EDIL3: variants seen among roughly 807,000 people sequenced by gnomAD.
EDIL3 encodes EGF-like repeat and discoidin I-like domain-containing protein 3.
Under a neutral mutation model 67.4 loss-of-function variants are expected in EDIL3, and 37 were observed. The ratio of observed to expected loss-of-function variants is 0.55; its 90% CI spans 0.42 to 0.72. The LOEUF is 0.72. EDIL3 is among the 30% of genes least tolerant of loss of function. The pLI is 0.00. For missense variants in EDIL3, 527 were observed against 586.3 expected (o/e 0.90, Z 1.04); for synonymous variants, 195 against 196.3 (o/e 0.99, Z 0.05).
chr5:84,294,006 G>A (rs1448754335), intron 1 of EDIL3, among the ~76,000 whole-genome samples: 1 of 151,840 alleles, frequency 6.6e-6, no homozygotes, highest in Non-Finnish European at 1.5e-5. Context: ...AAGTATGGCA[G>A]CATCCAAAAA....
intron 1 of EDIL3, among the ~76,000 whole-genome samples, chr5:84,313,763 C>A (rs926450157): frequency 1.3e-5 from 2 of 152,192 alleles, no homozygotes; most frequent in Admixed American, 1.3e-4. Flanking sequence ...GGACCCCAGG[C>A]ACCAGTATTT....
chr5:84,177,795 G>A (rs1291237836), intron 4 of EDIL3, among the ~76,000 whole-genome samples: 3 of 152,018 alleles, frequency 2.0e-5, no homozygotes, highest in Admixed American at 1.3e-4. Context: ...TAATAATGCC[G>A]ATGCTGGAAA....
At chr5:84,377,178 T>A (rs905872940) in intron 1 of EDIL3, among the ~76,000 whole-genome samples, 6 of 151,802 alleles carry the variant, frequency 4.0e-5, no homozygotes, top group African/African-American at 1.2e-4. Context: ...TACAGAAAAA[T>A]TAGCCGAGCC....
intron 1 of EDIL3, among the ~76,000 whole-genome samples, chr5:84,279,443 A>ACAATAGT (rs1745652289): frequency 6.6e-6 from 1 of 152,214 alleles, no homozygotes; most frequent in African/African-American, 2.4e-5. Context: ...TGGTTTGTAC[A>ACAATAGT]CAATAGTACT....
Position 84,376,552 on chromosome 5 carries a change from A to G in EDIL3, c.67+7756T>C, listed in dbSNP as rs535089732. Among the ~76,000 whole-genome samples, 8 of 152,354 alleles carry G rather than the reference A, an allele frequency of 5.3e-5. No individual in the cohort carries two copies. In the East Asian group the frequency reaches 1.5e-3, roughly 29 times the overall value. On this transcript the variant is annotated intron_variant, in intron 1 of 10. Transcript: ENST00000296591. ...ATATTATCAACAGTGCTCTTGCAGG[A>G]GTGTTGAGAAATATTTTCAAAGTAG... is the stretch of plus-strand genomic sequence containing the variant.
intron 3 of EDIL3, among the ~76,000 whole-genome samples, chr5:84,209,316 G>A (rs901941144): frequency 6.6e-6 from 1 of 151,870 alleles, no homozygotes; most frequent in African/African-American, 2.4e-5. Context: ...CATGGCACAT[G>A]TATACATATG....
intron 1 of EDIL3, among the ~76,000 whole-genome samples, chr5:84,383,696 G>T (rs947939614): frequency 6.6e-5 from 10 of 152,080 alleles, no homozygotes; most frequent in African/African-American, 2.4e-4. Flanking sequence ...TGCTGTAATC[G>T]ATGCTGCTCC....
intron 1 of EDIL3, among the ~76,000 whole-genome samples, chr5:84,317,366 A>G (rs1022854481): frequency 2.6e-5 from 4 of 152,138 alleles, no homozygotes; most frequent in Non-Finnish European, 5.9e-5. Flanking sequence ...ACTGCTAGCA[A>G]GACTAATAAA....
At chr5:84,017,320 T>C (rs1390571911) in intron 9 of EDIL3, among the ~76,000 whole-genome samples, 1 of 152,174 alleles carries the variant, frequency 6.6e-6, no homozygotes, top group Non-Finnish European at 1.5e-5. Context: ...TTCAGTTTGG[T>C]ACACAGAGAG....
intron 4 of EDIL3, among the ~76,000 whole-genome samples, chr5:84,169,573 C>G (rs935995625): frequency 2.6e-5 from 4 of 151,268 alleles, no homozygotes; most frequent in Non-Finnish European, 5.9e-5. Flanking sequence ...CTGGAAACCA[C>G]TAATCTATCC....
intron 9 of EDIL3, among the ~76,000 whole-genome samples, chr5:84,034,209 C>T (rs900760666): frequency 6.6e-6 from 1 of 152,198 alleles, no homozygotes; most frequent in African/African-American, 2.4e-5. Context: ...TGCATAATTA[C>T]ACTTGCCATT....
chr5:84,283,238 T>C (rs1745739959), intron 1 of EDIL3, among the ~76,000 whole-genome samples: 1 of 152,190 alleles, frequency 6.6e-6, no homozygotes, highest in Non-Finnish European at 1.5e-5. Context: ...AATAGATGGC[T>C]GTTGATGATA....
rs140655368 is a variant in EDIL3 at position 84,032,067 on chromosome 5, T to C, written c.1137+28233A>G. 6.5e-3 allele frequency among the ~76,000 whole-genome samples: 990 copies of C among 152,314 alleles called. 2 individuals carry two copies. Among genetic ancestry groups the C allele is most frequent in the African/African-American group, 0.014 (562 of 41,576 alleles). On this transcript the variant is annotated intron_variant, in intron 9 of 10. Transcript: ENST00000296591. Reference sequence around the variant, plus strand: ...TAAGATAGCTAAATGCCATTCCCCATTTAATTAAAAATAAAGTTTTATCTG... The same window carrying C: ...TAAGATAGCTAAATGCCATTCCCCACTTAATTAAAAATAAAGTTTTATCTG...
intron 3 of EDIL3, among the ~76,000 whole-genome samples, chr5:84,192,581 G>GT (rs1174259692): frequency 7.2e-5 from 11 of 151,738 alleles, no homozygotes; most frequent in Non-Finnish European, 1.0e-4. Context: ...CCCTTCACAA[G>GT]TTTTTCTATT....
At chr5:84,014,707 C>T (rs1282702454) in intron 9 of EDIL3, among the ~76,000 whole-genome samples, 1 of 152,130 alleles carries the variant, frequency 6.6e-6, no homozygotes, top group Non-Finnish European at 1.5e-5. Context: ...AAATTAAAGA[C>T]TCTAATGTGA....
chr5:84,062,394 T>G (rs756609325), intron 8 of EDIL3, among the ~76,000 whole-genome samples: 3 of 152,086 alleles, frequency 2.0e-5, no homozygotes, highest in Non-Finnish European at 2.9e-5. Flanking sequence ...AGAGGAAAGA[T>G]AGTTGTTTCC....
At chr5:84,080,738 T>A (rs1746951616) in intron 6 of EDIL3, among the ~76,000 whole-genome samples, 1 of 152,238 alleles carries the variant, frequency 6.6e-6, no homozygotes, top group African/African-American at 2.4e-5. Context: ...TATACTTGAA[T>A]AACTTCACCA....
chr5:84,011,308 C>A (rs1294573882), intron 9 of EDIL3, among the ~76,000 whole-genome samples: 2 of 152,178 alleles, frequency 1.3e-5, no homozygotes, highest in South Asian at 4.1e-4. Context: ...TCCTGGCCCT[C>A]AAAGCCTACA....
chr5:84,266,337 C>T (rs143790458), intron 1 of EDIL3, among the ~76,000 whole-genome samples: 1 of 152,256 alleles, frequency 6.6e-6, no homozygotes, highest in Non-Finnish European at 1.5e-5. Context: ...TGAGCCAGCC[C>T]CAACATGAAA....
Sources: gnomAD v4.1 joint callset for allele counts (sites outside exome capture counted in the v4.1 genomes callset) on GRCh38, gnomAD v4.1.1 for gene constraint, MANE v1.5 for transcripts, NCBI Gene and HGNC (gene_info 2026-07-23, HGNC 2026-07-21) for gene names.